Variants in IQCM observed in about 807,000 individuals in gnomAD.
The protein encoded by IQCM is IQ domain-containing protein M.
In IQCM, 45 loss-of-function variants were observed where a neutral mutation model predicts 57.6. That is an observed-to-expected ratio of 0.78 (90% CI 0.62 to 1.00). IQCM has a LOEUF of 1.00. Among genes scored for constraint, IQCM ranks in the 50% least tolerant of loss-of-function variants. IQCM has a pLI of 0.00. For synonymous variants in IQCM, 148 were observed against 158.9 expected, an observed-to-expected ratio of 0.93 and a Z score of 0.51; for missense variants, 468 against 511.6, an observed-to-expected ratio of 0.91 and a Z score of 0.82.
chr4:149,388,351 T>C (rs1365016047), intron 13 of IQCM, among the ~76,000 whole-genome samples: 1 of 151,350 alleles, frequency 6.6e-6, no homozygotes, highest in Non-Finnish European at 1.5e-5. Context: ...GATATATGAA[T>C]ACATTCATTA....
chr4:149,477,061 T>C, intron 12 of IQCM, among the ~76,000 whole-genome samples: 1 of 152,172 alleles, frequency 6.6e-6, no homozygotes, highest in Non-Finnish European at 1.5e-5. Flanking sequence ...TCTTCATTTT[T>C]ATTTAATCAC....
At chr4:149,358,939 C>T (rs746970425) in intron 13 of IQCM, among the ~76,000 whole-genome samples, 35 of 84,842 alleles carry the variant, frequency 4.1e-4, no homozygotes, top group Non-Finnish European at 6.2e-4. Flanking sequence ...GAGAGAGACA[C>T]GGGTTGAGGG....
intron 8 of IQCM, among the ~76,000 whole-genome samples, chr4:149,606,448 A>G (rs1177655409): frequency 6.6e-6 from 1 of 152,162 alleles, no homozygotes; most frequent in Non-Finnish European, 1.5e-5. Context: ...GAATACAAAC[A>G]AGCCCAAACC....
chr4:149,741,207 T>A (rs1767424561), intron 3 of IQCM, among the ~76,000 whole-genome samples: 1 of 152,126 alleles, frequency 6.6e-6, no homozygotes, highest in South Asian at 2.1e-4. Context: ...TTAAAGGCAC[T>A]CTGTTGAGTT....
At chr4:149,436,104 G>A (rs1735342019) in intron 12 of IQCM, among the ~76,000 whole-genome samples, 1 of 152,016 alleles carries the variant, frequency 6.6e-6, no homozygotes, top group African/African-American at 2.4e-5. Context: ...AACTCACCTA[G>A]AGCAAATTTC....
chr4:149,408,424 A>C (rs17686579), intron 13 of IQCM, among the ~76,000 whole-genome samples: 32,866 of 152,104 alleles, frequency 0.22, 4,448 homozygotes, highest in Non-Finnish European at 0.29. Flanking sequence ...ACGCCATCTG[A>C]ATTTAAATGA....
chr4:149,680,476 T>C (rs924283483), intron 7 of IQCM, among the ~76,000 whole-genome samples: 8 of 151,364 alleles, frequency 5.3e-5, no homozygotes, highest in African/African-American at 1.7e-4. Flanking sequence ...TTAACAGTTA[T>C]TGAGTTTTAG....
At chr4:149,624,751 C>T (rs922841845) in intron 7 of IQCM, among the ~76,000 whole-genome samples, 11 of 152,122 alleles carry the variant, frequency 7.2e-5, no homozygotes, top group Non-Finnish European at 1.3e-4. Context: ...AGTAGTTCAA[C>T]GTTTAAAAAT....
chr4:149,554,593 C>T (rs1749365848), intron 10 of IQCM, among the ~76,000 whole-genome samples: 1 of 151,952 alleles, frequency 6.6e-6, no homozygotes, highest in South Asian at 2.1e-4. Context: ...GGATTACAGG[C>T]ATGAGCCACC....
intron 13 of IQCM, among the ~76,000 whole-genome samples, chr4:149,384,121 A>G (rs1280254801): frequency 1.3e-5 from 2 of 152,134 alleles, no homozygotes; most frequent in Non-Finnish European, 2.9e-5. Context: ...AATTTTTTAT[A>G]TTATAGTTAA....
intron 2 of IQCM, among the ~76,000 whole-genome samples, chr4:149,778,214 A>C (rs1771278692): frequency 6.6e-6 from 1 of 152,134 alleles, no homozygotes; most frequent in African/African-American, 2.4e-5. Flanking sequence ...ATCTCTACTA[A>C]AAATACAAAA....
intron 3 of IQCM, among the ~76,000 whole-genome samples, chr4:149,736,964 A>G (rs550833848): frequency 1.3e-5 from 2 of 152,222 alleles, no homozygotes; most frequent in African/African-American, 4.8e-5. Flanking sequence ...GAGTTTGTAA[A>G]CTGTGGTTAT....
chr4:149,551,920 C>G (rs1749074460), intron 11 of IQCM, among the ~76,000 whole-genome samples: 1 of 151,914 alleles, frequency 6.6e-6, no homozygotes, highest in African/African-American at 2.4e-5. Flanking sequence ...CTTTCTTCTT[C>G]CTGTCTTCCC....
intron 12 of IQCM, among the ~76,000 whole-genome samples, chr4:149,535,973 T>C (rs1462108541): frequency 1.3e-5 from 2 of 151,952 alleles, no homozygotes; most frequent in African/African-American, 2.4e-5. Flanking sequence ...TCAAGAACCA[T>C]CTTTAAAAAG....
chr4:149,499,771 A>T, intron 12 of IQCM, among the ~76,000 whole-genome samples: 1 of 152,238 alleles, frequency 6.6e-6, no homozygotes, highest in East Asian at 1.9e-4. Flanking sequence ...ATGTCTACAC[A>T]ATCCCTAGTA....
chr4:149,431,995 T>C (rs904616108), intron 13 of IQCM, among the ~76,000 whole-genome samples: 3 of 151,190 alleles, frequency 2.0e-5, no homozygotes, highest in African/African-American at 7.3e-5. Flanking sequence ...TGATATATTG[T>C]ATATATTGCC....
At chr4:149,614,738 C>T (rs745741703) in intron 8 of IQCM, among the ~76,000 whole-genome samples, 19 of 152,082 alleles carry the variant, frequency 1.2e-4, no homozygotes, top group African/African-American at 2.9e-4. Context: ...AAAGAAAAAT[C>T]GCCAAAAAAT....
chr4:149,547,871 T>C (rs1470264773), intron 12 of IQCM, among the ~76,000 whole-genome samples: 1 of 152,282 alleles, frequency 6.6e-6, no homozygotes, highest in Non-Finnish European at 1.5e-5. Context: ...GGAAAATTCA[T>C]TGAGATGTTT....
intron 6 of IQCM, among the ~76,000 whole-genome samples, chr4:149,683,106 T>A (rs939028755): frequency 6.6e-6 from 1 of 151,258 alleles, no homozygotes; most frequent in Non-Finnish European, 1.5e-5. Context: ...ACCCATTACA[T>A]AGATTTCCAT....
Sources: allele counts gnomAD v4.1 joint callset (sites outside exome capture counted in the v4.1 genomes callset), GRCh38; gene constraint gnomAD v4.1.1; transcripts MANE v1.5; gene names NCBI Gene and HGNC (gene_info 2026-07-23, HGNC 2026-07-21).